Variants in RYR3 observed in about 807,000 individuals in gnomAD.
RYR3 encodes the protein ryanodine receptor 3, also known as brain ryanodine receptor-calcium release channel.
Under a neutral mutation model 584.3 loss-of-function variants are expected in RYR3, and 207 were observed. The ratio of observed to expected loss-of-function variants is 0.35; its 90% CI spans 0.32 to 0.40. RYR3 has a LOEUF of 0.40. RYR3 is among the 10% of genes least tolerant of loss of function. The probability of loss-of-function intolerance (pLI) is 1.00; values close to 1 mark genes in which losing one functional copy is unlikely to be tolerated. For synonymous variants in RYR3, 2,416 were observed against 2,248.5 expected (o/e 1.07, Z -2.11); for missense variants, 5,616 against 6,089.2 (o/e 0.92, Z 2.59).
chr15:33,579,894 G>A, intron 12 of RYR3, 82 bp from the exon 13 acceptor site: 1 of 1,107,844 alleles, frequency 9.0e-7, no homozygotes, highest in Non-Finnish European at 1.3e-6. Flanking sequence ...GTGGGGGGCT[G>A]TTAGGAGTGG....
At chr15:33,698,457 C>T (rs1289724837) in intron 40 of RYR3, among the ~76,000 whole-genome samples, 1 of 152,200 alleles carries the variant, frequency 6.6e-6, no homozygotes, top group Non-Finnish European at 1.5e-5. Context: ...CCAGCTCCCT[C>T]ATAAGGAGCC....
rs143562118 is a variant in RYR3, at chr15:33,702,070, T to G, written c.6483+990T>G. On this transcript the variant is annotated intron_variant, in intron 42 of 103. Coordinates refer to ENST00000634891, the MANE Select transcript of RYR3 (RefSeq NM_001036.6). ...CTCACGTGACCCTCAGACCAAGCCC[T>G]TTCATTGTTGCCTGCCAGTTACGGG... 1.7e-3 allele frequency among the ~76,000 whole-genome samples: 258 copies of G among 152,300 alleles called. 2 individuals are homozygous for G. The highest frequency in any genetic ancestry group is 5.8e-3 in the African/African-American group (241 of 41,562).
At chr15:33,519,302 A>G (rs139430002) in intron 3 of RYR3, among the ~76,000 whole-genome samples, 52 of 152,350 alleles carry the variant, frequency 3.4e-4, no homozygotes, top group African/African-American at 1.3e-3. Context: ...TATCATATAT[A>G]TAGAAGCAAA....
At chr15:33,486,515 A>AG (rs1348572560) in intron 2 of RYR3, among the ~76,000 whole-genome samples, 1 of 152,190 alleles carries the variant, frequency 6.6e-6, no homozygotes, top group Non-Finnish European at 1.5e-5. Flanking sequence ...TCACAGGTAC[A>AG]GGGGGTTAGG....
chr15:33,420,904 A>T (rs1158715977), intron 1 of RYR3, among the ~76,000 whole-genome samples: 1 of 152,118 alleles, frequency 6.6e-6, no homozygotes, highest in Non-Finnish European at 1.5e-5. Flanking sequence ...GTCATTCTGC[A>T]GGCATTTTTG....
chr15:33,662,719 G>T lies in RYR3; in HGVS notation c.5189G>T (p.Gly1730Val). ...FQFVPVLKLI[G>V]TLLVMGVFDD... ...TTTGTGCCTGTGCTGAAACTCATTG[G>T]AACCCTGCTGGTCATGGGCGTGTTT... The change falls in exon 35 of 104, where the codon GGA (glycine) becomes GTA (valine). Residue 1730 changes from glycine (G) to valine (V), a missense_variant. By Grantham distance (109) the Gly-to-Val change is moderately radical. Coordinates refer to ENST00000634891, the MANE Select transcript of RYR3 (RefSeq NM_001036.6). The T allele has an allele frequency of 3.1e-6, 5 of 1,614,176 alleles. No individual in the cohort carries two copies. The highest frequency in any genetic ancestry group is 4.2e-6 in the Non-Finnish European group (5 of 1,180,028).
At chr15:33,686,621 A>C (rs371177724) in intron 38 of RYR3, among the ~76,000 whole-genome samples, 1 of 151,252 alleles carries the variant, frequency 6.6e-6, no homozygotes, top group African/African-American at 2.5e-5. Context: ...GAGACACAAC[A>C]AAAAAAGAGA....
chr15:33,654,985 G>A (rs919614869), intron 32 of RYR3, among the ~76,000 whole-genome samples: 2 of 152,222 alleles, frequency 1.3e-5, no homozygotes, highest in Non-Finnish European at 2.9e-5. Flanking sequence ...AAGAACAGAT[G>A]GACCAAACCC....
chr15:33,505,682 T>C (rs920794952), intron 3 of RYR3, among the ~76,000 whole-genome samples: 6 of 152,112 alleles, frequency 3.9e-5, no homozygotes, highest in Admixed American at 2.0e-4. Flanking sequence ...TTAGTAGAGA[T>C]GGGGTTTCAC....
intron 67 of RYR3, among the ~76,000 whole-genome samples, chr15:33,790,015 A>G (rs1255397489): frequency 7.5e-3 from 176 of 23,466 alleles, no homozygotes; most frequent in Middle Eastern, 0.071. Context: ...TTTTTGAGAC[A>G]GAGTCTCACT....
chr15:33,838,680 G>C lies in RYR3; in HGVS notation c.12700G>C (p.Asp4234His). The change falls in exon 89 of 104, where the codon GAC (aspartate) becomes CAC (histidine). Residue 4234 changes from aspartate to histidine, a missense_variant. By Grantham distance (81) the Asp-to-His change is moderately conservative (BLOSUM62 -1). Coordinates refer to ENST00000634891, the MANE Select transcript of RYR3 (RefSeq NM_001036.6). ...KNIRVTKILG[D>H]MPDPTQFGIH... ...CATCAGAGTGACCAAGATCCTGGGT[G>C]ACATGCCTGACCCAACCCAATTTGG... 6.2e-7 allele frequency: 1 copy of C among 1,613,978 alleles called. No homozygotes were observed. The highest frequency in any genetic ancestry group is 2.2e-5 in the East Asian group (1 of 44,884).
At chr15:33,635,479 A>C in intron 25 of RYR3, 135 bp from the exon 26 acceptor site, 1 of 668,206 alleles carries the variant, frequency 1.5e-6, no homozygotes, top group South Asian at 1.8e-5. Context: ...AGAATGCCAT[A>C]TTGGATAGTA....
In RYR3 at chr15:33,390,574, C is replaced by T. The variant is rs958872903; in HGVS notation, c.51+79478C>T. On this transcript the variant is annotated intron_variant, in intron 1 of 103. Transcript: ENST00000634891. The surrounding 1 kb of genome is among the most constrained non-coding windows in gnomAD (Gnocchi z 4.2). ...GGTGTGGAGAGAAGAGTTAACAAAG[C>T]AGGCATGAGGAGGCTATGTTTAGAA... Among the ~76,000 whole-genome samples, 4 of 152,136 alleles carry T rather than the reference C, an allele frequency of 2.6e-5. No individual in the cohort carries two copies. The highest frequency in any genetic ancestry group is 5.9e-5 in the Non-Finnish European group (4 of 68,036).
chr15:33,714,225 G>C (rs192178666), intron 43 of RYR3, among the ~76,000 whole-genome samples: 12 of 151,668 alleles, frequency 7.9e-5, no homozygotes, highest in Admixed American at 7.9e-4. Flanking sequence ...CAAAAATGGT[G>C]GTATTATTTA....
intron 10 of RYR3, among the ~76,000 whole-genome samples, chr15:33,554,670 C>A (rs182199441): frequency 6.6e-6 from 1 of 152,196 alleles, no homozygotes; most frequent in African/African-American, 2.4e-5. Flanking sequence ...CTTCCCAGTA[C>A]ACACCCAATG....
At chr15:33,612,712 C>T (rs908026424) in intron 18 of RYR3, among the ~76,000 whole-genome samples, 11 of 152,246 alleles carry the variant, frequency 7.2e-5, no homozygotes, top group Admixed American at 2.0e-4. Flanking sequence ...TCTTTGATGG[C>T]TTCTCTATTC....
intron 1 of RYR3, among the ~76,000 whole-genome samples, chr15:33,417,669 TTTTA>T (rs1256257269): frequency 6.6e-6 from 1 of 152,134 alleles, no homozygotes; most frequent in Non-Finnish European, 1.5e-5. Flanking sequence ...TTCGTATGCC[TTTTA>T]TTTATTTCTC....
At chr15:33,642,704 A>G (rs1265938634) in intron 27 of RYR3, among the ~76,000 whole-genome samples, 1 of 152,234 alleles carries the variant, frequency 6.6e-6, no homozygotes, top group African/African-American at 2.4e-5. Flanking sequence ...AGATGGTTTC[A>G]TCCATCGCAG....
intron 98 of RYR3, among the ~76,000 whole-genome samples, chr15:33,857,293 A>G (rs1054852749): frequency 1.3e-5 from 2 of 152,016 alleles, no homozygotes; most frequent in Admixed American, 6.5e-5. Context: ...GTGGCTGTAG[A>G]CAGCACCCTC....
Sources: gnomAD v4.1 joint callset for allele counts (sites outside exome capture counted in the v4.1 genomes callset) on GRCh38, gnomAD v4.1.1 for gene constraint, Gnocchi (gnomAD v3.1) non-coding constraint, MANE v1.5 for transcripts, NCBI Gene and HGNC (gene_info 2026-07-23, HGNC 2026-07-21) for gene names.